The following NUF2 variants were observed in gnomAD, a reference collection of about 807,000 sequenced individuals.
NUF2 encodes the protein NUF2 component of NDC80 kinetochore complex, also known as kinetochore protein Nuf2.
In NUF2, 34 loss-of-function variants were observed where a neutral mutation model predicts 61.8. The observed-to-expected ratio is 0.55, with a 90% confidence interval of 0.42 to 0.73. The LOEUF (loss-of-function observed/expected upper bound fraction) is 0.73. Among genes scored for constraint, NUF2 ranks in the 30% least tolerant of loss-of-function variants. NUF2 has a pLI of 0.00. For synonymous variants in NUF2, 172 were observed against 181.6 expected, an observed-to-expected ratio of 0.95 and a Z score of 0.42; for missense variants, 445 against 539.1, an observed-to-expected ratio of 0.83 and a Z score of 1.73.
chr1:163,337,339 T>G (rs529320100), intron 6 of NUF2, among the ~76,000 whole-genome samples: 3 of 152,142 alleles, frequency 2.0e-5, no homozygotes, highest in East Asian at 1.9e-4. Context: ...ATCAACAACT[T>G]AAAGAACTGG....
intron 7 of NUF2, 42 bp from the exon 8 acceptor site, chr1:163,339,339 A>G: frequency 8.1e-7 from 1 of 1,234,184 alleles, no homozygotes; most frequent in Non-Finnish European, 1.2e-6. Context: ...TTAGCCTTTC[A>G]AAAGTGAAGA....
chr1:163,328,678 A>T (rs1234582428), intron 4 of NUF2, 168 bp from the exon 5 acceptor site: 8 of 526,932 alleles, frequency 1.5e-5, no homozygotes, highest in Non-Finnish European at 2.7e-5. Context: ...GAAAAAATAG[A>T]TTTCAGTGCT....
At chr1:163,351,726 A>G (rs970768153) in intron 13 of NUF2, among the ~76,000 whole-genome samples, 7 of 152,218 alleles carry the variant, frequency 4.6e-5, no homozygotes, top group Non-Finnish European at 1.5e-5. Flanking sequence ...AGGTCTCTAA[A>G]TACTTTGGTA....
intron 6 of NUF2, among the ~76,000 whole-genome samples, chr1:163,337,648 A>G (rs557935568): frequency 1.3e-5 from 2 of 152,214 alleles, no homozygotes; most frequent in Non-Finnish European, 2.9e-5. Context: ...ATGATGTCCT[A>G]TCACCCTTCT....
In NUF2 at chr1:163,355,417, T is replaced by C. The variant is rs1651454853; in HGVS notation, c.1343T>C (p.Ile448Thr). 6.2e-7 allele frequency: 1 copy of C among 1,608,344 alleles called. No homozygotes were observed. The highest frequency in any genetic ancestry group is 8.5e-7 in the Non-Finnish European group (1 of 1,176,842). Residue 448 changes from isoleucine to threonine, a missense_variant, in exon 14 of 14, where the codon ATA becomes ACA. Ile to Thr is a moderately conservative substitution (Grantham distance 89, BLOSUM62 -1). Transcript: ENST00000271452. The stretch of plus-strand genomic sequence containing the variant: ...GCAGCAGAGGACTCCTATGCTAAGA[T>C]AGATGAGAAGACAGCTGAACTGAAG... ...EKAAEDSYAK[I>T]DEKTAELKRK...
chr1:163,349,799 A>G (rs531649054), intron 13 of NUF2, among the ~76,000 whole-genome samples: 198 of 152,322 alleles, frequency 1.3e-3, no homozygotes, highest in African/African-American at 4.4e-3. Context: ...AGGAAAGGAA[A>G]GGTAGTGGAG....
intron 13 of NUF2, among the ~76,000 whole-genome samples, chr1:163,352,662 C>T (rs557353358): frequency 3.3e-5 from 5 of 152,230 alleles, no homozygotes; most frequent in Admixed American, 6.5e-5. Context: ...GTCAGGAGAT[C>T]GAGACCGTCC....
At position 163,355,530 on chromosome 1, in the gene NUF2, AG is replaced by A. The variant is rs1352773171; in HGVS notation, c.*62del. ...CCATCTTTTAATTTTCTATTTAGAA[AG>A]AAAAGTTGAAGCGAATGGAAGTATC... On this transcript the variant is annotated 3_prime_UTR_variant, in exon 14 of 14. Transcript: ENST00000271452. 1.3e-6 allele frequency: 2 copies of A among 1,489,224 alleles called. No individual in the cohort carries two copies. The highest frequency in any genetic ancestry group is 2.8e-5 in the African/African-American group (2 of 70,390). The allele number at this position is 1,489,224 out of a possible 1,614,324, so 92.3% of individuals were successfully genotyped here.
chr1:163,342,819 A>G (rs537565121), intron 9 of NUF2, among the ~76,000 whole-genome samples: 1 of 152,284 alleles, frequency 6.6e-6, no homozygotes, highest in Admixed American at 6.5e-5. Flanking sequence ...ATGCATACAC[A>G]TATAGAGGCA....
At chr1:163,323,774 A>G (rs2101662095) in intron 1 of NUF2, among the ~76,000 whole-genome samples, 1 of 152,286 alleles carries the variant, frequency 6.6e-6, no homozygotes, top group East Asian at 1.9e-4. Context: ...GCTTGCAATC[A>G]TGAAATTTAA....
At chr1:163,354,790 A>C (rs1651434286) in intron 13 of NUF2, among the ~76,000 whole-genome samples, 1 of 152,028 alleles carries the variant, frequency 6.6e-6, no homozygotes, top group Non-Finnish European at 1.5e-5. Context: ...TGTACACGCT[A>C]ATTTTTTTCT....
At chr1:163,345,378 A>G (rs1278412339) in intron 10 of NUF2, among the ~76,000 whole-genome samples, 2 of 152,236 alleles carry the variant, frequency 1.3e-5, no homozygotes, top group South Asian at 2.1e-4. Flanking sequence ...TAGTTTGAGT[A>G]TTAGCAAAAT....
chr1:163,335,250 C>A (rs1650719433), intron 5 of NUF2, among the ~76,000 whole-genome samples: 1 of 152,194 alleles, frequency 6.6e-6, no homozygotes, highest in African/African-American at 2.4e-5. Flanking sequence ...CCACACCCAG[C>A]CACTATGCCA....
chr1:163,333,571 G>A (rs888455439), intron 5 of NUF2, among the ~76,000 whole-genome samples: 1 of 151,642 alleles, frequency 6.6e-6, no homozygotes, highest in Admixed American at 6.6e-5. Context: ...TACCTTGTCT[G>A]TTATTGGCTT....
At chr1:163,352,716 A>AT in intron 13 of NUF2, among the ~76,000 whole-genome samples, 1 of 152,124 alleles carries the variant, frequency 6.6e-6, no homozygotes, top group Non-Finnish European at 1.5e-5. Context: ...AATACAAAAA[A>AT]TTAGCCGGGC....
chr1:163,337,049 G>A (rs1650782279), intron 6 of NUF2, among the ~76,000 whole-genome samples: 1 of 152,004 alleles, frequency 6.6e-6, no homozygotes, highest in Non-Finnish European at 1.5e-5. Flanking sequence ...TTGAAATTTG[G>A]TAACACTATG....
intron 6 of NUF2, 106 bp from the exon 7 acceptor site, chr1:163,337,914 A>C: frequency 1.2e-6 from 1 of 840,180 alleles, no homozygotes; most frequent in Non-Finnish European, 2.0e-6. Context: ...ACTCTATCTT[A>C]AATTTTTTAT....
Position 163,345,932 on chromosome 1 carries a change from C to T in NUF2, c.948+114C>T, listed in dbSNP as rs116938960. On this transcript the variant is annotated intron_variant, in intron 11 of 13. Transcript: ENST00000271452. ...CCTAAAGAAAAACAGGGTCATTCTA[C>T]AGTATAATAGATGTGGCAATGTATG... The T allele has an allele frequency of 5.6e-3, 3,977 of 711,646 alleles. 115 individuals are homozygous for T. The East Asian group carries it at 0.072, about 13-fold the overall frequency. The allele number at this position is 711,646 out of a possible 1,614,324, so 44.1% of individuals were successfully genotyped here.
At chr1:163,338,153 G>A in intron 7 of NUF2, 60 bp downstream of exon 7, 5 of 1,338,696 alleles carry the variant, frequency 3.7e-6, no homozygotes, top group Non-Finnish European at 5.3e-6. Context: ...TGAATTGTAA[G>A]TAGTATTTTA....
Sources: gnomAD v4.1 joint callset for allele counts (sites outside exome capture counted in the v4.1 genomes callset) on GRCh38, gnomAD v4.1.1 for gene constraint, MANE v1.5 for transcripts, NCBI Gene and HGNC (gene_info 2026-07-23, HGNC 2026-07-21) for gene names.